MECOM: variants seen among roughly 807,000 people sequenced by gnomAD.
MECOM encodes MDS1 and EVI1 complex locus, also known as histone-lysine N-methyltransferase MECOM.
In MECOM, 13 loss-of-function variants were observed where a neutral mutation model predicts 116.3. The observed-to-expected ratio is 0.11, with a 90% CI of 0.07 to 0.18. MECOM has a LOEUF of 0.18. Among genes scored for constraint, MECOM ranks in the 10% least tolerant of loss-of-function variants. The pLI, the probability that MECOM is intolerant of heterozygous loss-of-function variation, is 1.00. For synonymous variants in MECOM, 528 were observed against 535.2 expected, an observed-to-expected ratio of 0.99 and a Z score of 0.19; for missense variants, 1,299 against 1,509.0, an observed-to-expected ratio of 0.86 and a Z score of 2.31.
Position 169,580,846 on chromosome 3 carries a change from G to T in MECOM, c.37+82490C>A, listed in dbSNP as rs966885207. Among the ~76,000 whole-genome samples the T allele has an allele frequency of 5.9e-5, 9 of 152,108 alleles. No homozygotes were observed. In the East Asian group the frequency reaches 1.7e-3, roughly 29 times the overall value. ...GTTAAATTGTGTTTTGTTTTGTTTTGTTTTTGCAAAATGTCGTATTGACAA... is the reference window on the plus strand; with the variant it reads ...GTTAAATTGTGTTTTGTTTTGTTTTTTTTTTGCAAAATGTCGTATTGACAA... On this transcript the variant is annotated intron_variant, in intron 1 of 16. Transcript: ENST00000651503.
intron 1 of MECOM, among the ~76,000 whole-genome samples, chr3:169,584,074 G>T (rs562635887): frequency 1.3e-5 from 2 of 152,090 alleles, no homozygotes; most frequent in African/African-American, 2.4e-5. Flanking sequence ...CCTGCTGAGA[G>T]AATATTATTT....
At chr3:169,186,154 C>T (rs1449821029) in intron 2 of MECOM, among the ~76,000 whole-genome samples, 1 of 152,040 alleles carries the variant, frequency 6.6e-6, no homozygotes, top group Non-Finnish European at 1.5e-5. Flanking sequence ...CTCACTTGAT[C>T]TCCTAAGGGC....
At chr3:169,642,020 G>A (rs752029560) in intron 1 of MECOM, among the ~76,000 whole-genome samples, 24 of 152,220 alleles carry the variant, frequency 1.6e-4, no homozygotes, top group Non-Finnish European at 2.6e-4. Context: ...AATACATAGA[G>A]TATCAATTTT....
intron 2 of MECOM, 23 bp from the exon 3 acceptor site, chr3:169,143,855 A>G (rs755662439): frequency 3.1e-5 from 49 of 1,580,352 alleles, no homozygotes; most frequent in Non-Finnish European, 4.2e-5. Flanking sequence ...AGATGAGAAC[A>G]ATCAATTGCC....
chr3:169,566,612 C>T (rs1414471790), intron 1 of MECOM, among the ~76,000 whole-genome samples: 1 of 152,118 alleles, frequency 6.6e-6, no homozygotes, highest in East Asian at 1.9e-4. Context: ...AATAACCTGT[C>T]CAAGCCTCAG....
At chr3:169,517,255 G>C (rs1281575815) in intron 1 of MECOM, among the ~76,000 whole-genome samples, 1 of 152,168 alleles carries the variant, frequency 6.6e-6, no homozygotes, top group Non-Finnish European at 1.5e-5. Flanking sequence ...TTGGCATGGG[G>C]AGGGAATGGA....
At chr3:169,168,337 CTTT>C (rs1166736467) in intron 2 of MECOM, among the ~76,000 whole-genome samples, 4 of 108,460 alleles carry the variant, frequency 3.7e-5, no homozygotes, top group Non-Finnish European at 7.7e-5. Flanking sequence ...ACTTGGCCTG[CTTT>C]TTTTTTTTTT....
At chr3:169,418,641 A>G (rs893847857) in intron 1 of MECOM, among the ~76,000 whole-genome samples, 12 of 152,232 alleles carry the variant, frequency 7.9e-5, no homozygotes, top group African/African-American at 2.9e-4. Flanking sequence ...ACCAATGACA[A>G]AAACCACATG....
At chr3:169,591,595 C>G (rs1766418578) in intron 1 of MECOM, among the ~76,000 whole-genome samples, 1 of 152,212 alleles carries the variant, frequency 6.6e-6, no homozygotes, top group Admixed American at 6.5e-5. Context: ...AGCCCACACT[C>G]TGTCTGCTAT....
Position 169,485,939 on chromosome 3 carries a change from ATGTATG to A in MECOM, c.38-104421_38-104416del, listed in dbSNP as rs1560340337. Among the ~76,000 whole-genome samples the A allele has an allele frequency of 2.2e-4, 15 of 68,306 alleles. 1 individual carries two copies. Among genetic ancestry groups the A allele is most frequent in the East Asian group, 1.2e-3 (2 of 1,666 alleles). The allele number at this position is 68,306 out of a possible 152,430, so 44.8% of individuals were successfully genotyped here. A position where few individuals can be genotyped will look rare whatever the true frequency, so the allele number is the denominator to read the frequency against. On this transcript the variant is annotated intron_variant, in intron 1 of 16. Transcript: ENST00000651503. Reference sequence around the variant, plus strand: ...TGTATATATAGTATATATAGTATATATGTATGTATATATGTACATATATACTATATA... The same window carrying A: ...TGTATATATAGTATATATAGTATATATATATATGTACATATATACTATATA...
intron 1 of MECOM, among the ~76,000 whole-genome samples, chr3:169,455,603 G>A (rs1391357043): frequency 6.6e-6 from 1 of 152,132 alleles, no homozygotes; most frequent in Non-Finnish European, 1.5e-5. Flanking sequence ...TTTTACAGGT[G>A]AGTACAGCCA....
At position 169,165,825 on chromosome 3, in the gene MECOM, A is replaced by G. The variant is rs565811244; in HGVS notation, c.376-21993T>C. ...TAACTGCTGATTTGCACCCAAGGAA[A>G]GAATCATGTTAAAATATGCTGGGTT... On this transcript the variant is annotated intron_variant, in intron 2 of 16. Transcript: ENST00000651503. Among the ~76,000 whole-genome samples, 87 of 152,344 alleles carry G rather than the reference A, an allele frequency of 5.7e-4. No homozygotes were observed. The South Asian group carries it at 0.017, about 30-fold the overall frequency.
chr3:169,242,545 G>T (rs765723857), intron 2 of MECOM, among the ~76,000 whole-genome samples: 20 of 152,118 alleles, frequency 1.3e-4, no homozygotes, highest in Non-Finnish European at 2.9e-4. Flanking sequence ...TGATGCGGGC[G>T]ATCCTCCGAC....
intron 3 of MECOM, among the ~76,000 whole-genome samples, chr3:169,138,042 A>T (rs756702448): frequency 6.6e-6 from 1 of 152,104 alleles, no homozygotes; most frequent in South Asian, 2.1e-4. Context: ...CCATCATTAC[A>T]TTACAAAGAA....
At chr3:169,166,154 T>G (rs1743561926) in intron 2 of MECOM, among the ~76,000 whole-genome samples, 1 of 152,206 alleles carries the variant, frequency 6.6e-6, no homozygotes, top group African/African-American at 2.4e-5. Context: ...CAGCGGTTGC[T>G]GACAGAATTT....
At chr3:169,471,457 G>T (rs1161406013) in intron 1 of MECOM, among the ~76,000 whole-genome samples, 1 of 111,604 alleles carries the variant, frequency 9.0e-6, no homozygotes, top group African/African-American at 3.1e-5. Flanking sequence ...AATGAAAGCA[G>T]ATTTATCATT....
chr3:169,290,817 T>A (rs1053877324), intron 2 of MECOM, among the ~76,000 whole-genome samples: 1 of 152,178 alleles, frequency 6.6e-6, no homozygotes, highest in Non-Finnish European at 1.5e-5. Flanking sequence ...TAGTTTTCGG[T>A]CTATGTTACA....
At chr3:169,294,089 C>G (rs189884847) in intron 2 of MECOM, among the ~76,000 whole-genome samples, 74 of 152,238 alleles carry the variant, frequency 4.9e-4, no homozygotes, top group Admixed American at 8.5e-4. Flanking sequence ...ATTTAAGACA[C>G]CCTAGTGATT....
intron 1 of MECOM, among the ~76,000 whole-genome samples, chr3:169,616,763 G>A (rs1020709224): frequency 6.6e-6 from 1 of 152,104 alleles, no homozygotes; most frequent in South Asian, 2.1e-4. Flanking sequence ...TTTAGAGTTG[G>A]GTCAATTAAT....
Sources: allele counts gnomAD v4.1 joint callset (sites outside exome capture counted in the v4.1 genomes callset), GRCh38; gene constraint gnomAD v4.1.1; transcripts MANE v1.5; gene names NCBI Gene and HGNC (gene_info 2026-07-23, HGNC 2026-07-21).